Variants in KDM2A observed in about 807,000 individuals in gnomAD.
KDM2A encodes lysine-specific demethylase 2A.
A neutral mutation model predicts 137.3 loss-of-function variants in KDM2A; 3 were observed. That is an observed-to-expected ratio of 0.02 (90% CI 0.01 to 0.06). The LOEUF is 0.06. KDM2A is among the 10% of genes least tolerant of loss of function. The pLI, the probability that KDM2A is intolerant of heterozygous loss-of-function variation, is 1.00. For missense variants in KDM2A, 738 were observed against 1,510.6 expected, an observed-to-expected ratio of 0.49 and a Z score of 8.48; for synonymous variants, 512 against 541.5, an observed-to-expected ratio of 0.95 and a Z score of 0.76.
chr11:67,240,937 C>G (rs1431440128), intron 12 of KDM2A, among the ~76,000 whole-genome samples: 1 of 152,216 alleles, frequency 6.6e-6, no homozygotes. Context: ...CACACACACA[C>G]CGACACAGTT....
chr11:67,226,676 C>G (rs969170873), intron 10 of KDM2A, among the ~76,000 whole-genome samples: 2 of 152,132 alleles, frequency 1.3e-5, no homozygotes, highest in Non-Finnish European at 1.5e-5. Context: ...GAGCCGAGAT[C>G]GCGCCACTGC....
chr11:67,214,071 G>A lies in KDM2A; in HGVS notation c.487-1269G>A, dbSNP rs1179886040. Among the ~76,000 whole-genome samples, 5 of 151,706 alleles carry A rather than the reference G, an allele frequency of 3.3e-5. No individual in the cohort carries two copies. The East Asian group carries it at 5.8e-4, about 18-fold the overall frequency. ...TATTTATTTTTTGAGACGGCGTTTC[G>A]CTCTTGTTTCCCAGGCTGGAGTGCA... On this transcript the variant is annotated intron_variant, in intron 6 of 20. Transcript: ENST00000529006.
intron 5 of KDM2A, chr11:67,196,689 C>A: frequency 3.1e-6 from 1 of 319,988 alleles, no homozygotes; most frequent in Non-Finnish European, 6.1e-6. Context: ...ATCATGGAGA[C>A]AAAATAGAAT....
intron 15 of KDM2A, among the ~76,000 whole-genome samples, chr11:67,247,071 ATTTTTTTTTT>A (rs1156333048): frequency 1.8e-4 from 3 of 16,786 alleles, no homozygotes; most frequent in East Asian, 3.2e-3. Flanking sequence ...ATATATATAT[ATTTTTTTTTT>A]TTTTTTTTTT....
intron 8 of KDM2A, among the ~76,000 whole-genome samples, chr11:67,216,297 G>T (rs566490347): frequency 6.6e-6 from 1 of 152,184 alleles, no homozygotes; most frequent in African/African-American, 2.4e-5. Flanking sequence ...AAGGGAACAC[G>T]AATTTTGGAT....
intron 5 of KDM2A, among the ~76,000 whole-genome samples, chr11:67,193,005 G>A (rs950136043): frequency 6.6e-6 from 1 of 151,742 alleles, no homozygotes; most frequent in Non-Finnish European, 1.5e-5. Flanking sequence ...TTTTGGCTAG[G>A]GGGTATCAGA....
intron 5 of KDM2A, chr11:67,196,184 C>T (rs1857476922): frequency 2.3e-6 from 1 of 440,268 alleles, no homozygotes; most frequent in Non-Finnish European, 4.6e-6. Flanking sequence ...GTGAAACTTT[C>T]TTTGGCAAAA....
intron 2 of KDM2A, among the ~76,000 whole-genome samples, chr11:67,146,255 A>G: frequency 6.6e-6 from 1 of 151,690 alleles, no homozygotes; most frequent in East Asian, 1.9e-4. Context: ...AGCCTCCCAA[A>G]GTGCTGGGAT....
chr11:67,136,753 T>A (rs1855977331), intron 2 of KDM2A, among the ~76,000 whole-genome samples: 1 of 152,116 alleles, frequency 6.6e-6, no homozygotes, highest in Admixed American at 6.6e-5. Context: ...AAGGTAGGAA[T>A]GAGAAAATAA....
intron 2 of KDM2A, among the ~76,000 whole-genome samples, chr11:67,154,737 C>A (rs974464561): frequency 5.9e-5 from 9 of 152,108 alleles, no homozygotes; most frequent in African/African-American, 2.2e-4. Flanking sequence ...CCATGCCCAG[C>A]CTGGGTGTTT....
chr11:67,182,258 C>G (rs141920441), intron 5 of KDM2A, among the ~76,000 whole-genome samples: 1 of 152,194 alleles, frequency 6.6e-6, no homozygotes, highest in African/African-American at 2.4e-5. Flanking sequence ...GAGAAATTTC[C>G]AGGAAATGCT....
chr11:67,230,073 G>T (rs1236046040), intron 11 of KDM2A, among the ~76,000 whole-genome samples: 1 of 152,068 alleles, frequency 6.6e-6, no homozygotes, highest in Non-Finnish European at 1.5e-5. Flanking sequence ...CTATTTGGGA[G>T]GCTGAGGCAG....
intron 5 of KDM2A, among the ~76,000 whole-genome samples, chr11:67,182,692 C>T (rs1857117580): frequency 6.6e-6 from 1 of 151,960 alleles, no homozygotes; most frequent in Admixed American, 6.6e-5. Flanking sequence ...GCCACCAGGC[C>T]CGGCTAATTT....
At chr11:67,165,008 C>T (rs1293517447) in intron 2 of KDM2A, among the ~76,000 whole-genome samples, 1 of 152,034 alleles carries the variant, frequency 6.6e-6, no homozygotes, top group Non-Finnish European at 1.5e-5. Flanking sequence ...TTAGTTGGTG[C>T]AGATGGGGTG....
intron 5 of KDM2A, among the ~76,000 whole-genome samples, chr11:67,182,132 C>G (rs577387498): frequency 1.3e-5 from 2 of 152,280 alleles, no homozygotes; most frequent in East Asian, 3.9e-4. Context: ...TCCTTCTCTC[C>G]TTGAAGAGTG....
chr11:67,227,160 C>A (rs1490352980), intron 10 of KDM2A, among the ~76,000 whole-genome samples: 2 of 152,116 alleles, frequency 1.3e-5, no homozygotes, highest in Non-Finnish European at 2.9e-5. Flanking sequence ...TTGATTAAGT[C>A]GTATGGAACA....
At chr11:67,179,647 A>C (rs1857045152) in intron 2 of KDM2A, among the ~76,000 whole-genome samples, 2 of 152,196 alleles carry the variant, frequency 1.3e-5, no homozygotes, top group African/African-American at 4.8e-5. Flanking sequence ...CCATTCATTC[A>C]AATGTGTTTT....
At chr11:67,199,376 G>C (rs1404670623) in intron 5 of KDM2A, among the ~76,000 whole-genome samples, 1 of 152,150 alleles carries the variant, frequency 6.6e-6, no homozygotes, top group Non-Finnish European at 1.5e-5. Context: ...CATGTCAAAA[G>C]CCAAGATAGG....
intron 2 of KDM2A, among the ~76,000 whole-genome samples, chr11:67,137,952 C>T (rs927782381): frequency 6.6e-6 from 1 of 152,124 alleles, no homozygotes; most frequent in African/African-American, 2.4e-5. Context: ...CATGTACCAC[C>T]ATGCCCGGCT....
Sources: allele counts gnomAD v4.1 joint callset (sites outside exome capture counted in the v4.1 genomes callset), GRCh38; gene constraint gnomAD v4.1.1; transcripts MANE v1.5; gene names NCBI Gene and HGNC (gene_info 2026-07-23, HGNC 2026-07-21).